RDH10: variants seen among roughly 807,000 people sequenced by gnomAD.
RDH10 encodes the protein retinol dehydrogenase 10 (all-trans).
Under a neutral mutation model 30.2 loss-of-function variants are expected in RDH10, and 12 were observed. The ratio of observed to expected loss-of-function variants is 0.40; its 90% CI spans 0.25 to 0.64. The LOEUF is 0.64. Ranked by LOEUF, RDH10 falls within the 30% of genes least tolerant of loss-of-function variation. The pLI is 0.43. For synonymous variants in RDH10, 189 were observed against 172.2 expected (o/e 1.10, Z -0.76); for missense variants, 268 against 445.2 (o/e 0.60, Z 3.58).
chr8:73,318,990 G>T, intron 2 of RDH10, 106 bp from the exon 3 acceptor site: 1 of 695,016 alleles, frequency 1.4e-6, no homozygotes, highest in African/African-American at 1.8e-5. Flanking sequence ...AAAGGAATTG[G>T]GAAACAAAAC....
chr8:73,307,854 A>T (rs1814490195), intron 2 of RDH10, among the ~76,000 whole-genome samples: 1 of 152,242 alleles, frequency 6.6e-6, no homozygotes, highest in African/African-American at 2.4e-5. Context: ...GCAGTAACTG[A>T]TTAACCCTAG....
intron 2 of RDH10, among the ~76,000 whole-genome samples, chr8:73,317,371 C>T (rs983828665): frequency 1.4e-4 from 21 of 152,088 alleles, no homozygotes; most frequent in African/African-American, 4.3e-4. Context: ...GATTTACACA[C>T]GAAGGGTCTG....
intron 2 of RDH10, among the ~76,000 whole-genome samples, chr8:73,303,198 A>G (rs1252375970): frequency 6.6e-6 from 1 of 152,232 alleles, no homozygotes; most frequent in East Asian, 1.9e-4. Flanking sequence ...CCCACCAGCT[A>G]GATCTGAGTA....
chr8:73,308,482 A>G (rs1814501126), intron 2 of RDH10, among the ~76,000 whole-genome samples: 1 of 152,204 alleles, frequency 6.6e-6, no homozygotes, highest in South Asian at 2.1e-4. Context: ...TCACTTGTCC[A>G]AGGTAAAGTT....
intron 2 of RDH10, among the ~76,000 whole-genome samples, chr8:73,298,363 A>C (rs1814315594): frequency 6.6e-6 from 1 of 152,172 alleles, no homozygotes; most frequent in Non-Finnish European, 1.5e-5. Context: ...TTTCTCCTAA[A>C]TAGGTCACAT....
chr8:73,295,661 T>G (rs1440492171), intron 1 of RDH10, 83 bp downstream of exon 1: 36 of 1,312,298 alleles, frequency 2.7e-5, no homozygotes, highest in Middle Eastern at 2.3e-4. Flanking sequence ...CAAACCCCGC[T>G]GCCTGGTCAG....
rs1318132387 is a variant in RDH10, at chr8:73,303,875, A to G, written c.525+6446A>G. Among the ~76,000 whole-genome samples, 5 of 152,222 alleles carry G rather than the reference A, an allele frequency of 3.3e-5. No homozygotes were observed. The East Asian group carries it at 7.7e-4, about 23-fold the overall frequency. On this transcript the variant is annotated intron_variant, in intron 2 of 5. Coordinates refer to ENST00000240285, the MANE Select transcript of RDH10 (RefSeq NM_172037.5). ...ATATCACTTTACATAGCTGGTGTGA[A>G]TAGGGAACCAGACGCTGCATCAGAT... is the stretch of plus-strand genomic sequence containing the variant.
At chr8:73,305,808 G>A (rs1412056742) in intron 2 of RDH10, among the ~76,000 whole-genome samples, 2 of 152,138 alleles carry the variant, frequency 1.3e-5, no homozygotes, top group Non-Finnish European at 2.9e-5. Flanking sequence ...AATCTTTGGA[G>A]TATGACAAAA....
intron 2 of RDH10, among the ~76,000 whole-genome samples, chr8:73,309,480 A>G (rs1008110763): frequency 6.6e-6 from 1 of 152,190 alleles, no homozygotes; most frequent in African/African-American, 2.4e-5. Flanking sequence ...TGAGGTAGCT[A>G]GAATATATCA....
Position 73,322,886 on chromosome 8 carries a change from C to G in RDH10, c.903-27C>G, listed in dbSNP as rs565534177. The G allele has an allele frequency of 6.2e-6, 10 of 1,614,026 alleles. No homozygotes were observed. The African/African-American group carries it at 1.1e-4, about 17-fold the overall frequency. On this transcript the variant is annotated intron_variant, in intron 5 of 5. Transcript: ENST00000240285. ...TGTCTTAATTGAAACTTCAAGTTTG[C>G]TAACAGCTGTGACTTCCCTTTTTCA... is the stretch of plus-strand genomic sequence containing the variant.
In RDH10 at chr8:73,318,502, A is replaced by G. The variant is rs534328747; in HGVS notation, c.526-594A>G. Reference sequence around the variant, plus strand: ...GTCAGTGCATAGTTGGCATTATGATATGTTTTTCACAAAAATAGTTCTATA... The same window carrying G: ...GTCAGTGCATAGTTGGCATTATGATGTGTTTTTCACAAAAATAGTTCTATA... On this transcript the variant is annotated intron_variant, in intron 2 of 5. Coordinates refer to ENST00000240285, the MANE Select transcript of RDH10 (RefSeq NM_172037.5). Among the ~76,000 whole-genome samples the G allele has an allele frequency of 2.0e-5, 3 of 152,360 alleles. No homozygotes were observed. The East Asian group carries it at 5.8e-4, about 29-fold the overall frequency.
intron 2 of RDH10, among the ~76,000 whole-genome samples, chr8:73,317,928 G>GC (rs142488948): frequency 1.6e-4 from 10 of 62,982 alleles, no homozygotes; most frequent in Non-Finnish European, 2.0e-4. Flanking sequence ...CCCCACCCCC[G>GC]CCCAAAAAAA....
intron 2 of RDH10, 137 bp from the exon 3 acceptor site, chr8:73,318,959 T>G: frequency 1.7e-6 from 1 of 601,526 alleles, no homozygotes; most frequent in Non-Finnish European, 2.9e-6. Flanking sequence ...AAGATCTTTT[T>G]GATAAATATA....
intron 2 of RDH10, among the ~76,000 whole-genome samples, chr8:73,301,327 G>A (rs1004301797): frequency 9.9e-5 from 15 of 151,278 alleles, no homozygotes; most frequent in African/African-American, 3.6e-4. Flanking sequence ...TGGGATTACA[G>A]GCGTGAGCCA....
intron 4 of RDH10, chr8:73,321,903 C>T (rs781077030): frequency 4.2e-5 from 19 of 456,036 alleles, no homozygotes; most frequent in Non-Finnish European, 7.9e-5. Context: ...CCAAGTCTGA[C>T]CTGGAAAATG....
intron 2 of RDH10, among the ~76,000 whole-genome samples, chr8:73,314,437 T>C (rs937643084): frequency 6.6e-6 from 1 of 152,198 alleles, no homozygotes; most frequent in African/African-American, 2.4e-5. Context: ...GCCCCAGACA[T>C]AAGGCAGGAG....
In RDH10 at chr8:73,297,327, C is replaced by T. The variant is rs774464439; in HGVS notation, c.423C>T (p.Val141=). The T allele has an allele frequency of 6.2e-7, 1 of 1,613,976 alleles. No homozygotes were observed. Among genetic ancestry groups the T allele is most frequent in the African/African-American group, 1.3e-5 (1 of 74,918 alleles). Residue 141 remains valine, a synonymous_variant, in exon 2 of 6, where the codon GTC becomes GTT. Coordinates refer to ENST00000240285, the MANE Select transcript of RDH10 (RefSeq NM_172037.5). Reference sequence around the variant, plus strand: ...GCAAGGAGGTTGGCGAAGTCTCAGTCCTGGTCAATAATGCTGGTGTGGTCT... The same window carrying T: ...GCAAGGAGGTTGGCGAAGTCTCAGTTCTGGTCAATAATGCTGGTGTGGTCT... ...RVRKEVGEVS[V]LVNNAGVVSG...
At chr8:73,296,972 A>G in intron 1 of RDH10, 1 of 511,186 alleles carries the variant, frequency 2.0e-6, no homozygotes. Context: ...ACTTTCCCCT[A>G]AGCAAAGTTA....
chr8:73,321,182 CTG>C (rs1814764927), intron 4 of RDH10, 105 bp downstream of exon 4: 1 of 1,102,262 alleles, frequency 9.1e-7, no homozygotes, highest in Admixed American at 2.4e-5. Context: ...ATTTGACAAT[CTG>C]TGGCTTTTAT....
Sources: allele counts gnomAD v4.1 joint callset (sites outside exome capture counted in the v4.1 genomes callset), GRCh38; gene constraint gnomAD v4.1.1; transcripts MANE v1.5; gene names NCBI Gene and HGNC (gene_info 2026-07-23, HGNC 2026-07-21).